KCNJ6: variants seen among roughly 807,000 people sequenced by gnomAD.
KCNJ6 encodes potassium inwardly rectifying channel subfamily J member 6.
A neutral mutation model predicts 34.2 loss-of-function variants in KCNJ6; 9 were observed. The observed-to-expected ratio is 0.26, with a 90% CI of 0.16 to 0.46. The LOEUF is 0.46. Among genes scored for constraint, KCNJ6 ranks in the 20% least tolerant of loss-of-function variants. The probability of loss-of-function intolerance (pLI) is 1.00; values close to 1 mark genes in which losing one functional copy is unlikely to be tolerated. For missense variants in KCNJ6, 236 were observed against 531.3 expected (o/e 0.44, Z 5.46); for synonymous variants, 196 against 207.1 (o/e 0.95, Z 0.46).
intron 1 of KCNJ6, among the ~76,000 whole-genome samples, chr21:37,902,991 T>A (rs1383088466): frequency 6.6e-6 from 1 of 152,022 alleles, no homozygotes; most frequent in African/African-American, 2.4e-5. Context: ...CTTAAGCCCA[T>A]TTTTTTTCCT....
chr21:37,772,782 T>TA (rs1181128445), intron 2 of KCNJ6, among the ~76,000 whole-genome samples: 1 of 152,196 alleles, frequency 6.6e-6, no homozygotes, highest in African/African-American at 2.4e-5. Flanking sequence ...CTAAATATGA[T>TA]AAAGTACATG....
At position 37,871,009 on chromosome 21, in the gene KCNJ6, A is replaced by T. The variant is rs542242965; in HGVS notation, c.-27-30300T>A. ...ACCCAGATTTTTTTTGGCCACAATC[A>T]TGCATTTTCTTACTTTCCTGATTCT... is the stretch of plus-strand genomic sequence containing the variant. On this transcript the variant is annotated intron_variant, in intron 1 of 3. Transcript: ENST00000609713. Among the ~76,000 whole-genome samples the T allele has an allele frequency of 1.9e-4, 29 of 152,216 alleles. No homozygotes were observed. In the South Asian group the frequency reaches 6.0e-3, roughly 32 times the overall value.
At chr21:37,679,311 A>G (rs2054580621) in intron 3 of KCNJ6, among the ~76,000 whole-genome samples, 1 of 152,184 alleles carries the variant, frequency 6.6e-6, no homozygotes, top group African/African-American at 2.4e-5. Flanking sequence ...TCAGCCACTA[A>G]GTTTTGGGGT....
intron 2 of KCNJ6, among the ~76,000 whole-genome samples, chr21:37,758,324 G>A (rs558892225): frequency 6.6e-6 from 1 of 152,308 alleles, no homozygotes; most frequent in South Asian, 2.1e-4. Flanking sequence ...GTGGGAGTGT[G>A]TGTAGAATAA....
chr21:37,721,835 G>A (rs571018520), intron 2 of KCNJ6, among the ~76,000 whole-genome samples: 1 of 152,200 alleles, frequency 6.6e-6, no homozygotes, highest in African/African-American at 2.4e-5. Flanking sequence ...TGTCTTGGGT[G>A]TAGAGCAGGA....
intron 1 of KCNJ6, among the ~76,000 whole-genome samples, chr21:37,859,721 T>C (rs2055585420): frequency 6.6e-6 from 1 of 151,142 alleles, no homozygotes; most frequent in African/African-American, 2.4e-5. Flanking sequence ...ATTGATTTAC[T>C]TGTGTCTGAA....
chr21:37,828,040 G>A (rs2055407165), intron 2 of KCNJ6, among the ~76,000 whole-genome samples: 1 of 152,148 alleles, frequency 6.6e-6, no homozygotes, highest in Non-Finnish European at 1.5e-5. Flanking sequence ...CCACACTGAC[G>A]TGCCTCACCT....
At chr21:37,885,239 G>A (rs1293807588) in intron 1 of KCNJ6, among the ~76,000 whole-genome samples, 1 of 152,168 alleles carries the variant, frequency 6.6e-6, no homozygotes, top group South Asian at 2.1e-4. Flanking sequence ...TCTTGGGGGA[G>A]GTACAGTGGT....
At position 37,735,028 on chromosome 21, in the gene KCNJ6, C is replaced by T. The variant is rs550261807; in HGVS notation, c.26-19897G>A. ...GCTCAGGGCCAGCCCAGCATGTCCC[C>T]GTTTCCACCTGACACAGCCCAAAGC... On this transcript the variant is annotated intron_variant, in intron 2 of 3. Coordinates refer to ENST00000609713, the MANE Select transcript of KCNJ6 (RefSeq NM_002240.5). 7.8e-4 allele frequency among the ~76,000 whole-genome samples: 119 copies of T among 152,196 alleles called. 1 individual carries two copies. The South Asian group carries it at 0.023, about 29-fold the overall frequency.
intron 1 of KCNJ6, among the ~76,000 whole-genome samples, chr21:37,858,224 T>C (rs957940663): frequency 1.3e-5 from 2 of 151,670 alleles, no homozygotes; most frequent in African/African-American, 2.4e-5. Context: ...ACCCCATCTC[T>C]ACTAAAAATA....
intron 2 of KCNJ6, among the ~76,000 whole-genome samples, chr21:37,730,880 ATATC>A (rs2054880843): frequency 6.6e-6 from 1 of 152,192 alleles, no homozygotes; most frequent in African/African-American, 2.4e-5. Flanking sequence ...CCCTTACTGA[ATATC>A]TATTATGTGC....
chr21:37,845,118 C>G (rs2055500130), intron 1 of KCNJ6, among the ~76,000 whole-genome samples: 1 of 152,176 alleles, frequency 6.6e-6, no homozygotes, highest in South Asian at 2.1e-4. Context: ...AAGAGGATAC[C>G]TGAACATGCT....
chr21:37,747,699 G>T (rs556521101), intron 2 of KCNJ6, among the ~76,000 whole-genome samples: 4 of 152,132 alleles, frequency 2.6e-5, no homozygotes, highest in African/African-American at 4.8e-5. Context: ...TGGCTTTGAG[G>T]GGGGAGGAGG....
intron 2 of KCNJ6, among the ~76,000 whole-genome samples, chr21:37,769,583 C>T (rs758006106): frequency 5.5e-4 from 83 of 151,878 alleles, no homozygotes; most frequent in Non-Finnish European, 1.1e-3. Flanking sequence ...GAGACGCCTC[C>T]GAGAAATCCT....
intron 1 of KCNJ6, among the ~76,000 whole-genome samples, chr21:37,876,595 T>G (rs2055679475): frequency 6.9e-6 from 1 of 144,472 alleles, no homozygotes; most frequent in African/African-American, 2.8e-5. Context: ...AAAGTATATT[T>G]TATATACAAA....
At chr21:37,867,304 GCACT>G (rs2055627488) in intron 1 of KCNJ6, among the ~76,000 whole-genome samples, 1 of 152,184 alleles carries the variant, frequency 6.6e-6, no homozygotes, top group African/African-American at 2.4e-5. Flanking sequence ...AGGCAGCATC[GCACT>G]CAGAGTCAGG....
At chr21:37,784,527 G>A (rs914097602) in intron 2 of KCNJ6, among the ~76,000 whole-genome samples, 8 of 152,134 alleles carry the variant, frequency 5.3e-5, no homozygotes, top group African/African-American at 9.7e-5. Flanking sequence ...CATGTTATAG[G>A]TATTTGATTT....
Position 37,607,484 on chromosome 21 carries a change from T to TATATATATATATATATATATA in KCNJ6, c.*17674_*17675insTATATATATATATATATATAT, listed in dbSNP as rs35281433. On this transcript the variant is annotated 3_prime_UTR_variant, in exon 4 of 4. Transcript: ENST00000609713. ...TAAAGATATATATATATATATATATTTTTTTTTTATTTTAAAAAAATTTGG... is the reference window on the plus strand; with the variant it reads ...TAAAGATATATATATATATATATATTATATATATATATATATATATATTTTTTTTATTTTAAAAAAATTTGG... 1.5e-3 allele frequency: 93 copies of TATATATATATATATATATATA among 62,140 alleles called. No homozygotes were observed. The highest frequency in any genetic ancestry group is 4.5e-3 in the East Asian group (7 of 1,548). 3.8% of individuals were successfully genotyped at this position (62,140 alleles called of 1,614,324 possible).
intron 2 of KCNJ6, among the ~76,000 whole-genome samples, chr21:37,746,621 TGACTC>T (rs1307478198): frequency 2.0e-5 from 3 of 152,212 alleles, no homozygotes; most frequent in African/African-American, 7.2e-5. Flanking sequence ...GATACTCACT[TGACTC>T]TGAGTAATTC....
Sources: allele counts gnomAD v4.1 joint callset (sites outside exome capture counted in the v4.1 genomes callset), GRCh38; gene constraint gnomAD v4.1.1; transcripts MANE v1.5; gene names NCBI Gene and HGNC (gene_info 2026-07-23, HGNC 2026-07-21).